The following ABTB2 variants were observed in gnomAD, a reference collection of about 807,000 sequenced individuals.
ABTB2 encodes the protein ankyrin repeat and BTB/POZ domain-containing protein 2.
A neutral mutation model predicts 104.1 loss-of-function variants in ABTB2; 56 were observed. The ratio of observed to expected loss-of-function variants is 0.54; its 90% CI spans 0.43 to 0.67. The LOEUF is 0.67. Among genes scored for constraint, ABTB2 ranks in the 30% least tolerant of loss-of-function variants. The pLI, the probability that ABTB2 is intolerant of heterozygous loss-of-function variation, is 0.00. For missense variants in ABTB2, 1,279 were observed against 1,407.7 expected (o/e 0.91, Z 1.46); for synonymous variants, 606 against 608.2 (o/e 1.00, Z 0.05).
intron 1 of ABTB2, among the ~76,000 whole-genome samples, chr11:34,349,633 C>T (rs1032756572): frequency 6.6e-6 from 1 of 152,226 alleles, no homozygotes; most frequent in Admixed American, 6.5e-5. Context: ...GAAATTCTCA[C>T]AACCATCCTA....
chr11:34,333,843 C>G (rs1288036330), intron 1 of ABTB2, among the ~76,000 whole-genome samples: 1 of 152,144 alleles, frequency 6.6e-6, no homozygotes, highest in South Asian at 2.1e-4. Flanking sequence ...GAACCCAGGT[C>G]TCCCTAATTC....
At chr11:34,271,520 C>T (rs57642780) in intron 1 of ABTB2, among the ~76,000 whole-genome samples, 60 of 152,240 alleles carry the variant, frequency 3.9e-4, no homozygotes, top group African/African-American at 1.4e-3. Flanking sequence ...GGGAGGATTG[C>T]TTGAGCTCAG....
intron 1 of ABTB2, among the ~76,000 whole-genome samples, chr11:34,239,931 T>C (rs1369075986): frequency 6.6e-6 from 1 of 152,206 alleles, no homozygotes; most frequent in African/African-American, 2.4e-5. Context: ...CACAGAGGCA[T>C]TTCCCCCCTA....
chr11:34,282,098 G>A (rs1374688323), intron 1 of ABTB2, among the ~76,000 whole-genome samples: 1 of 152,146 alleles, frequency 6.6e-6, no homozygotes, highest in Non-Finnish European at 1.5e-5. Context: ...GGAGATAAGT[G>A]TCCAATGAGG....
rs186052661 is a variant in ABTB2 at position 34,303,728 on chromosome 11, T to C, written c.883+52973A>G. ...CGTGATCTCAGCTCACTGCAGCCTC[T>C]GTCTCCTGGGATCAAGCAATTTTCC... is the stretch of plus-strand genomic sequence containing the variant. On this transcript the variant is annotated intron_variant, in intron 1 of 16. Transcript: ENST00000435224. Among the ~76,000 whole-genome samples the C allele has an allele frequency of 4.4e-3, 658 of 149,046 alleles. 6 individuals are homozygous for C. Among genetic ancestry groups the C allele is most frequent in the African/African-American group, 0.016 (635 of 40,208 alleles).
rs755101612 is a variant in ABTB2, at chr11:34,172,437, T to TAGATAG, written c.1397+717_1397+718insCTATCT. Among the ~76,000 whole-genome samples, 8 of 92,462 alleles carry TAGATAG rather than the reference T, an allele frequency of 8.7e-5. 2 individuals are homozygous for TAGATAG. The highest frequency in any genetic ancestry group is 3.1e-4 in the South Asian group (1 of 3,184). The allele number at this position is 92,462 out of a possible 152,430, so 60.7% of individuals were successfully genotyped here. The stretch of plus-strand genomic sequence containing the variant: ...ATATATATGTGTGTGTGTGTGTGTA[T>TAGATAG]ATAGATAGATAGATAGATAGATAGA... On this transcript the variant is annotated intron_variant, in intron 4 of 16. Transcript: ENST00000435224.
At chr11:34,351,431 G>A (rs1855396826) in intron 1 of ABTB2, among the ~76,000 whole-genome samples, 1 of 152,072 alleles carries the variant, frequency 6.6e-6, no homozygotes, top group Non-Finnish European at 1.5e-5. Context: ...ATTGTACACT[G>A]AAGACATTCT....
At chr11:34,269,635 G>A (rs1362217493) in intron 1 of ABTB2, among the ~76,000 whole-genome samples, 1 of 152,242 alleles carries the variant, frequency 6.6e-6, no homozygotes, top group Non-Finnish European at 1.5e-5. Flanking sequence ...GAGCCTTCAT[G>A]TGTGGACAGA....
At chr11:34,165,478 C>A in intron 7 of ABTB2, 122 bp from the exon 8 acceptor site, 1 of 722,226 alleles carries the variant, frequency 1.4e-6, no homozygotes, top group South Asian at 1.9e-5. Flanking sequence ...AGACACAGTT[C>A]ACCCCAGCAG....
chr11:34,167,138 G>A (rs1315622805), intron 7 of ABTB2, 121 bp downstream of exon 7: 2 of 910,150 alleles, frequency 2.2e-6, no homozygotes, highest in Admixed American at 2.3e-5. Context: ...CTGGCCTCAA[G>A]CAGTGCCTTT....
At chr11:34,256,086 T>C (rs1022212440) in intron 1 of ABTB2, among the ~76,000 whole-genome samples, 1 of 151,654 alleles carries the variant, frequency 6.6e-6, no homozygotes, top group African/African-American at 2.4e-5. Flanking sequence ...CACCTATTTC[T>C]GTTCCTGCGT....
intron 1 of ABTB2, among the ~76,000 whole-genome samples, chr11:34,316,282 C>T (rs747418945): frequency 1.3e-5 from 2 of 152,214 alleles, no homozygotes; most frequent in Non-Finnish European, 2.9e-5. Context: ...CTGCAAAAGT[C>T]GCAAATGGCT....
intron 1 of ABTB2, among the ~76,000 whole-genome samples, chr11:34,256,922 T>C (rs1854130841): frequency 1.3e-5 from 2 of 152,202 alleles, no homozygotes; most frequent in Admixed American, 6.5e-5. Context: ...GTTTGTCCTG[T>C]CTCTGGCCAG....
chr11:34,259,856 G>A (rs1041704918), intron 1 of ABTB2, among the ~76,000 whole-genome samples: 13 of 152,152 alleles, frequency 8.5e-5, no homozygotes, highest in Non-Finnish European at 4.4e-5. Flanking sequence ...CCAGGATGAA[G>A]CGTAGTGGCA....
chr11:34,153,877 A>G (rs535987968), intron 16 of ABTB2, among the ~76,000 whole-genome samples: 3 of 152,318 alleles, frequency 2.0e-5, no homozygotes, highest in Non-Finnish European at 2.9e-5. Context: ...AGTCTGAGCA[A>G]CTGAGCAGTG....
intron 1 of ABTB2, among the ~76,000 whole-genome samples, chr11:34,337,915 C>T (rs1419088555): frequency 6.6e-6 from 1 of 152,144 alleles, no homozygotes; most frequent in Non-Finnish European, 1.5e-5. Flanking sequence ...ATCTTACCAC[C>T]CACAGAGAAG....
rs568554887 is a variant in ABTB2, at chr11:34,234,958, C to T, written c.884-30268G>A. Among the ~76,000 whole-genome samples, 10 of 152,244 alleles carry T rather than the reference C, an allele frequency of 6.6e-5. No homozygotes were observed. In the East Asian group the frequency reaches 1.4e-3, roughly 21 times the overall value. On this transcript the variant is annotated intron_variant, in intron 1 of 16. Coordinates refer to ENST00000435224, the MANE Select transcript of ABTB2 (RefSeq NM_145804.3). ...CTGCAAGCTCTGCCTCCTGGGTTCACGCCATTCTCCTGCCTCAGCCTCCCA... is the reference window on the plus strand; with the variant it reads ...CTGCAAGCTCTGCCTCCTGGGTTCATGCCATTCTCCTGCCTCAGCCTCCCA...
chr11:34,191,673 C>G (rs1446200265), intron 3 of ABTB2, among the ~76,000 whole-genome samples: 2 of 152,164 alleles, frequency 1.3e-5, no homozygotes, highest in African/African-American at 4.8e-5. Flanking sequence ...TAGAAGGGTT[C>G]AGGCCCCAAG....
At chr11:34,218,722 G>A (rs367966930) in intron 1 of ABTB2, among the ~76,000 whole-genome samples, 1 of 151,714 alleles carries the variant, frequency 6.6e-6, no homozygotes, top group Non-Finnish European at 1.5e-5. Context: ...GGTGGTGCAC[G>A]CCTGTAATCC....
Sources: gnomAD v4.1 joint callset for allele counts (sites outside exome capture counted in the v4.1 genomes callset) on GRCh38, gnomAD v4.1.1 for gene constraint, MANE v1.5 for transcripts, NCBI Gene and HGNC (gene_info 2026-07-23, HGNC 2026-07-21) for gene names.